Variants in OXR1 observed in about 807,000 individuals in gnomAD.
The protein encoded by OXR1 is oxidation resistance 1, also known as oxidation resistance protein 1.
In OXR1, 41 loss-of-function variants were observed where a neutral mutation model predicts 104.6. The observed-to-expected ratio is 0.39, with a 90% confidence interval of 0.31 to 0.51. OXR1 has a LOEUF of 0.51. Ranked by LOEUF, OXR1 falls within the 20% of genes least tolerant of loss-of-function variation. The probability of loss-of-function intolerance (pLI) is 0.77; values close to 1 mark genes in which losing one functional copy is unlikely to be tolerated. For synonymous variants in OXR1, 348 were observed against 348.4 expected (o/e 1.00, Z 0.01); for missense variants, 955 against 1,031.9 (o/e 0.93, Z 1.02).
intron 2 of OXR1, among the ~76,000 whole-genome samples, chr8:106,516,532 G>A (rs1812872220): frequency 6.6e-6 from 1 of 152,100 alleles, no homozygotes; most frequent in Admixed American, 6.6e-5. Flanking sequence ...CGCTGGATAG[G>A]GAGAACAGCC....
intron 1 of OXR1, among the ~76,000 whole-genome samples, chr8:106,275,111 C>T (rs909095493): frequency 1.3e-5 from 2 of 152,124 alleles, no homozygotes; most frequent in Non-Finnish European, 2.9e-5. Context: ...AGAGATATTT[C>T]CCGATTGTTG....
At chr8:106,387,722 G>T (rs771143130) in intron 2 of OXR1, among the ~76,000 whole-genome samples, 1 of 152,120 alleles carries the variant, frequency 6.6e-6, no homozygotes, top group Non-Finnish European at 1.5e-5. Context: ...ATAGATCATT[G>T]GAGGACACAT....
intron 3 of OXR1, among the ~76,000 whole-genome samples, chr8:106,593,206 AG>A: frequency 6.6e-6 from 1 of 152,298 alleles, no homozygotes; most frequent in East Asian, 1.9e-4. Context: ...CTTGAGATCA[AG>A]GGCTAGGACT....
intron 6 of OXR1, among the ~76,000 whole-genome samples, chr8:106,691,807 TAGA>T (rs1408530208): frequency 6.6e-6 from 1 of 150,994 alleles, no homozygotes; most frequent in African/African-American, 2.4e-5. Context: ...AGTTGTTTGG[TAGA>T]AGATTTGAAA....
At chr8:106,429,889 T>C (rs1302432314) in intron 2 of OXR1, among the ~76,000 whole-genome samples, 1 of 152,194 alleles carries the variant, frequency 6.6e-6, no homozygotes, top group Non-Finnish European at 1.5e-5. Context: ...CAATATTTTA[T>C]TCAGTATATT....
At chr8:106,423,199 A>G (rs924119670) in intron 2 of OXR1, among the ~76,000 whole-genome samples, 3 of 152,192 alleles carry the variant, frequency 2.0e-5, no homozygotes, top group South Asian at 4.1e-4. Flanking sequence ...GTAAATATTA[A>G]CAGAGAAAAA....
intron 1 of OXR1, among the ~76,000 whole-genome samples, chr8:106,298,755 A>G (rs1446047725): frequency 7.0e-6 from 1 of 141,934 alleles, no homozygotes; most frequent in Non-Finnish European, 1.5e-5. Context: ...AAAAAACAAA[A>G]CAAATAAACA....
chr8:106,528,472 T>C (rs1042836631), intron 3 of OXR1, among the ~76,000 whole-genome samples: 1 of 152,194 alleles, frequency 6.6e-6, no homozygotes, highest in African/African-American at 2.4e-5. Flanking sequence ...CCAGGCTGCT[T>C]ACATATTGAA....
intron 6 of OXR1, among the ~76,000 whole-genome samples, chr8:106,684,615 T>C (rs1828511463): frequency 6.6e-6 from 1 of 152,180 alleles, no homozygotes; most frequent in Non-Finnish European, 1.5e-5. Context: ...AAAGAACATA[T>C]ATAATTTAAC....
chr8:106,485,938 G>A (rs1040536572), intron 2 of OXR1, among the ~76,000 whole-genome samples: 11 of 146,404 alleles, frequency 7.5e-5, no homozygotes, highest in Non-Finnish European at 1.6e-4. Context: ...AAGAATGGTG[G>A]TTACCAACAG....
intron 2 of OXR1, among the ~76,000 whole-genome samples, chr8:106,487,155 C>T (rs938016752): frequency 8.6e-5 from 13 of 151,334 alleles, no homozygotes; most frequent in Non-Finnish European, 1.9e-4. Flanking sequence ...TCTGGAGTAG[C>T]TGGGATTACA....
intron 11 of OXR1, 35 bp from the exon 12 acceptor site, chr8:106,737,480 ACTGTC>A: frequency 2.8e-6 from 1 of 352,450 alleles, no homozygotes; most frequent in Non-Finnish European, 4.5e-6. Context: ...GTTTTTCTCA[ACTGTC>A]AGTGGAATTA....
intron 3 of OXR1, among the ~76,000 whole-genome samples, chr8:106,548,679 A>G (rs1266950196): frequency 6.6e-6 from 1 of 152,188 alleles, no homozygotes; most frequent in Non-Finnish European, 1.5e-5. Context: ...AGTATACTGT[A>G]TGTTTAGGAA....
At chr8:106,516,463 T>C (rs1365980033) in intron 2 of OXR1, among the ~76,000 whole-genome samples, 1 of 152,022 alleles carries the variant, frequency 6.6e-6, no homozygotes, top group Non-Finnish European at 1.5e-5. Context: ...CAGTGTAGGG[T>C]GGAGAGTAGC....
chr8:106,572,788 C>T (rs970617038), intron 3 of OXR1, among the ~76,000 whole-genome samples: 1 of 152,166 alleles, frequency 6.6e-6, no homozygotes. Context: ...CCAGCCTCTA[C>T]CCATTGCTCA....
intron 2 of OXR1, among the ~76,000 whole-genome samples, chr8:106,364,721 T>C (rs184505825): frequency 2.0e-5 from 3 of 152,356 alleles, no homozygotes; most frequent in Non-Finnish European, 2.9e-5. Context: ...TATGTCTAAC[T>C]TCTTATTTAA....
chr8:106,661,590 G>C (rs774945047), intron 3 of OXR1, among the ~76,000 whole-genome samples: 22 of 152,070 alleles, frequency 1.4e-4, no homozygotes. Flanking sequence ...AGATTATATT[G>C]TAATAAATAT....
At chr8:106,357,454 C>T (rs1466852735) in intron 1 of OXR1, among the ~76,000 whole-genome samples, 1 of 152,076 alleles carries the variant, frequency 6.6e-6, no homozygotes, top group Non-Finnish European at 1.5e-5. Context: ...ACTTCACTGG[C>T]AGGCCAATAT....
chr8:106,577,392 T>TG (rs1431463416), intron 3 of OXR1, among the ~76,000 whole-genome samples: 3 of 134,138 alleles, frequency 2.2e-5, no homozygotes, highest in African/African-American at 8.4e-5. Flanking sequence ...TTTTTTTTTT[T>TG]TTTTTTTTTT....
Sources: gnomAD v4.1 joint callset for allele counts (sites outside exome capture counted in the v4.1 genomes callset) on GRCh38, gnomAD v4.1.1 for gene constraint, MANE v1.5 for transcripts, NCBI Gene and HGNC (gene_info 2026-07-23, HGNC 2026-07-21) for gene names.